Variants in SMARCA2 observed in about 807,000 individuals in gnomAD.
SMARCA2 encodes SWI/SNF related BAF chromatin remodeling complex subunit ATPase 2, also known as SWI/SNF-related matrix-associated actin-dependent regulator of chromatin subfamily A member 2.
A neutral mutation model predicts 199.8 loss-of-function variants in SMARCA2; 61 were observed. The observed-to-expected ratio is 0.31, with a 90% CI of 0.25 to 0.38. SMARCA2 has a LOEUF of 0.38. Among genes scored for constraint, SMARCA2 ranks in the 10% least tolerant of loss-of-function variants. The pLI is 1.00. For missense variants in SMARCA2, 1,344 were observed against 2,012.2 expected (o/e 0.67, Z 6.35); for synonymous variants, 935 against 732.0 (o/e 1.28, Z -4.48).
At chr9:2,032,365 A>C (rs1319134098) in intron 2 of SMARCA2, among the ~76,000 whole-genome samples, 1 of 152,058 alleles carries the variant, frequency 6.6e-6, no homozygotes, top group Non-Finnish European at 1.5e-5. Context: ...TGTGCCTTTA[A>C]CCTTTTCCGT....
At chr9:2,028,225 C>T (rs1411128896) in intron 1 of SMARCA2, among the ~76,000 whole-genome samples, 1 of 152,178 alleles carries the variant, frequency 6.6e-6, no homozygotes, top group Non-Finnish European at 1.5e-5. Context: ...AATTAGCTGG[C>T]AAGAGGATCA....
chr9:2,143,986 C>T (rs900664831), intron 27 of SMARCA2, among the ~76,000 whole-genome samples: 5 of 151,918 alleles, frequency 3.3e-5, no homozygotes, highest in African/African-American at 7.3e-5. Flanking sequence ...AGGCATAGCA[C>T]GGGGAACTCA....
chr9:2,015,610 G>A (rs1304044799), intron 1 of SMARCA2, among the ~76,000 whole-genome samples: 1 of 152,192 alleles, frequency 6.6e-6, no homozygotes, highest in Non-Finnish European at 1.5e-5. Context: ...CCTCCTCCCC[G>A]CGGGCCTCAG....
chr9:2,166,280 A>T (rs922270666), intron 28 of SMARCA2, among the ~76,000 whole-genome samples: 3 of 152,108 alleles, frequency 2.0e-5, no homozygotes, highest in Admixed American at 6.5e-5. Flanking sequence ...GGGTATTCTG[A>T]TCATTAATTA....
chr9:2,083,132 A>AT, intron 15 of SMARCA2, among the ~76,000 whole-genome samples: 1 of 152,052 alleles, frequency 6.6e-6, no homozygotes, highest in South Asian at 2.1e-4. Flanking sequence ...TTCTTACAAG[A>AT]TTTTTTTATG....
In SMARCA2 at chr9:2,081,583, G is replaced by C. The variant is rs1325970240; in HGVS notation, c.2185-249G>C. Among the ~76,000 whole-genome samples the C allele has an allele frequency of 4.6e-5, 7 of 152,298 alleles. No homozygotes were observed. In the East Asian group the frequency reaches 1.3e-3, roughly 29 times the overall value. On this transcript the variant is annotated intron_variant, in intron 14 of 33. Transcript: ENST00000349721. ...TCACATACTGTGAAATACTAAGTGT[G>C]GATGAGCGGCAAAGCTGCTTTAAAA...
chr9:2,041,337 A>G (rs1819595378), intron 4 of SMARCA2: 1 of 398,620 alleles, frequency 2.5e-6, no homozygotes, highest in Middle Eastern at 6.3e-4. Flanking sequence ...ACAGCTCTGA[A>G]TGCTGGGAAT....
At chr9:2,065,719 A>G (rs1199314291) in intron 9 of SMARCA2, among the ~76,000 whole-genome samples, 1 of 152,166 alleles carries the variant, frequency 6.6e-6, no homozygotes, top group African/African-American at 2.4e-5. Flanking sequence ...AATCTCTTAC[A>G]GTTTCCCCAA....
intron 19 of SMARCA2, 73 bp downstream of exon 19, chr9:2,088,686 A>C (rs1333714603): frequency 3.0e-6 from 3 of 1,014,566 alleles, no homozygotes; most frequent in Non-Finnish European, 4.5e-6. Context: ...CTGCCTCTGA[A>C]ATTGTGTTTC....
chr9:2,157,497 A>C (rs1404186936), intron 27 of SMARCA2, among the ~76,000 whole-genome samples: 2 of 152,234 alleles, frequency 1.3e-5, no homozygotes, highest in Non-Finnish European at 2.9e-5. Context: ...CAGAGGGAGA[A>C]AGAGAAAGTG....
rs555860068 is a variant in SMARCA2, at chr9:2,155,474, T to G, written c.3982-6212T>G. Among the ~76,000 whole-genome samples, 31 of 152,082 alleles carry G rather than the reference T, an allele frequency of 2.0e-4. No individual in the cohort carries two copies. In the South Asian group the frequency reaches 2.7e-3, roughly 13 times the overall value. On this transcript the variant is annotated intron_variant, in intron 27 of 33. Coordinates refer to ENST00000349721, the MANE Select transcript of SMARCA2 (RefSeq NM_003070.5). ...ATGTTTGTATTTTTAGTAGAGATGG[T>G]GTTTCACCATATTGGCCAGGCTGGT...
In SMARCA2 at chr9:2,056,747, C is replaced by T; in HGVS notation, c.1249C>T (p.Arg417Trp). 1.2e-6 allele frequency: 2 copies of T among 1,614,144 alleles called. No individual in the cohort carries two copies. Among genetic ancestry groups the T allele is most frequent in the Non-Finnish European group, 1.7e-6 (2 of 1,180,032 alleles). The stretch of plus-strand genomic sequence containing the variant: ...GGCTCTCAACTCCAAAGCATACAAA[C>T]GGAGCAAGCGCCAGACTCTGAGAGA... Reference protein sequence around the residue: ...ETALNSKAYKRSKRQTLREAR... With the variant: ...ETALNSKAYKWSKRQTLREAR... Residue 417 changes from arginine (R) to tryptophan (W), a missense_variant, in exon 7 of 34, where the codon CGG becomes TGG. Around this residue, in one of 18 missense-constraint regions of SMARCA2, gnomAD observed 155 missense variants for 260.0 expected, o/e 0.60. Transcript: ENST00000349721. This position sits in a 1 kb window ranked among gnomAD's most constrained non-coding sequence, Gnocchi z 4.0.
chr9:2,074,638 A>G (rs978138536), intron 12 of SMARCA2, among the ~76,000 whole-genome samples: 1 of 152,212 alleles, frequency 6.6e-6, no homozygotes, highest in African/African-American at 2.4e-5. Context: ...AAGCTGACGC[A>G]GGAGAATTGC....
chr9:2,134,328 A>C (rs372023954), intron 27 of SMARCA2, among the ~76,000 whole-genome samples: 1 of 152,190 alleles, frequency 6.6e-6, no homozygotes, highest in Non-Finnish European at 1.5e-5. Flanking sequence ...GTACTCATTC[A>C]GCCATTAAGT....
chr9:2,034,603 G>GTA (rs1478582199), intron 3 of SMARCA2, among the ~76,000 whole-genome samples: 1 of 152,222 alleles, frequency 6.6e-6, no homozygotes, highest in East Asian at 1.9e-4. Flanking sequence ...ATAATCCTGT[G>GTA]TAATTAATGT....
rs1292658778 is a variant in SMARCA2 at position 2,115,397 on chromosome 9, A to G, written c.3457-425A>G. Among the ~76,000 whole-genome samples the G allele has an allele frequency of 6.6e-6, 1 of 152,198 alleles. No homozygotes were observed. Among genetic ancestry groups the G allele is most frequent in the African/African-American group, 2.4e-5 (1 of 41,452 alleles). On this transcript the variant is annotated intron_variant, in intron 24 of 33. Coordinates refer to ENST00000349721, the MANE Select transcript of SMARCA2 (RefSeq NM_003070.5). The surrounding 1 kb of genome is among the most constrained non-coding windows in gnomAD (Gnocchi z 6.0). The stretch of plus-strand genomic sequence containing the variant: ...TAATACCTGAATGTACAACTCAGTG[A>G]TATTTTTAAAATAATCTTCAACACA...
rs1182303341 is a variant in SMARCA2 at position 2,029,033 on chromosome 9, C to T, written c.11C>T (p.Pro4Leu). ...AGACAGGAGAGGTAGATGTCCACGC[C>T]CACAGACCCTGGTGCGATGCCCCAC... Reference protein sequence around the residue: MSTPTDPGAMPHPG... With the variant: MSTLTDPGAMPHPG... Residue 4 changes from proline to leucine, a missense_variant, in exon 2 of 34, where the codon CCC becomes CTC. Coordinates refer to ENST00000349721, the MANE Select transcript of SMARCA2 (RefSeq NM_003070.5). 6.4e-7 allele frequency: 1 copy of T among 1,550,824 alleles called. No homozygotes were observed.
chr9:2,158,549 TG>T (rs1563811533), intron 27 of SMARCA2: 1 of 164,216 alleles, frequency 6.1e-6, no homozygotes, highest in Non-Finnish European at 1.3e-5. Flanking sequence ...AGTCGGAAAC[TG>T]GGGGTTTGCT....
At chr9:2,054,787 A>C in intron 6 of SMARCA2, 64 bp downstream of exon 6, 1 of 1,539,924 alleles carries the variant, frequency 6.5e-7, no homozygotes, top group Non-Finnish European at 9.0e-7. Flanking sequence ...CTAAAGTGTT[A>C]TCTGTGTTGC....
Sources: allele counts gnomAD v4.1 joint callset (sites outside exome capture counted in the v4.1 genomes callset), GRCh38; gene constraint gnomAD v4.1.1; regional missense constraint gnomAD v4.1.1; non-coding constraint Gnocchi (gnomAD v3.1); transcripts MANE v1.5; gene names NCBI Gene and HGNC (gene_info 2026-07-23, HGNC 2026-07-21).